RAP1GAP2: variants seen among roughly 807,000 people sequenced by gnomAD.
RAP1GAP2 encodes the protein RAP1 GTPase activating protein 2.
Under a neutral mutation model 95.0 loss-of-function variants are expected in RAP1GAP2, and 27 were observed. The ratio of observed to expected loss-of-function variants is 0.28; its 90% CI spans 0.21 to 0.39. The LOEUF is 0.39. RAP1GAP2 is among the 10% of genes least tolerant of loss of function. The pLI is 1.00. For missense variants in RAP1GAP2, 771 were observed against 970.0 expected (o/e 0.79, Z 2.72); for synonymous variants, 373 against 380.9 (o/e 0.98, Z 0.24).
chr17:2,932,835 A>AG, intron 3 of RAP1GAP2, among the ~76,000 whole-genome samples: 1 of 52,172 alleles, frequency 1.9e-5, no homozygotes. Flanking sequence ...AAAAAAAAAA[A>AG]AAAAAAAAGA....
At chr17:2,957,143 G>GA (rs35079286) in intron 3 of RAP1GAP2, among the ~76,000 whole-genome samples, 42,543 of 143,662 alleles carry the variant, frequency 0.3, 7,022 homozygotes, top group African/African-American at 0.45. Context: ...AAAAAAAAAA[G>GA]AAAAAAAAAA....
chr17:2,799,864 C>A (rs2069206889), intron 1 of RAP1GAP2, among the ~76,000 whole-genome samples: 1 of 152,180 alleles, frequency 6.6e-6, no homozygotes, highest in African/African-American at 2.4e-5. Context: ...GTCTCCCCTT[C>A]CAGTGAGGGC....
intron 22 of RAP1GAP2, among the ~76,000 whole-genome samples, chr17:3,028,423 CT>C (rs1056667601): frequency 5.9e-5 from 9 of 152,072 alleles, no homozygotes; most frequent in Non-Finnish European, 1.0e-4. Flanking sequence ...GGACAGCCCC[CT>C]AGCCACATCA....
intron 3 of RAP1GAP2, among the ~76,000 whole-genome samples, chr17:2,946,479 C>T (rs2043700103): frequency 6.6e-6 from 1 of 152,126 alleles, no homozygotes. Flanking sequence ...AGGTTGCTTG[C>T]CTCGTGCCTG....
intron 3 of RAP1GAP2, among the ~76,000 whole-genome samples, chr17:2,953,732 A>G (rs994049761): frequency 6.6e-6 from 1 of 152,158 alleles, no homozygotes; most frequent in Admixed American, 6.6e-5. Flanking sequence ...CTGTAATCCC[A>G]GCTACTCCGG....
At chr17:2,876,132 T>C (rs992627142) in intron 2 of RAP1GAP2, among the ~76,000 whole-genome samples, 1 of 151,538 alleles carries the variant, frequency 6.6e-6, no homozygotes, top group African/African-American at 2.4e-5. Flanking sequence ...AGAGACGGGG[T>C]TTCACCGTGT....
rs535852985 is a variant in RAP1GAP2 at position 2,862,869 on chromosome 17, C to A, written c.81-42415C>A. 2.6e-5 allele frequency among the ~76,000 whole-genome samples: 4 copies of A among 151,882 alleles called. No individual in the cohort carries two copies. The South Asian group carries it at 8.3e-4, about 32-fold the overall frequency. On this transcript the variant is annotated intron_variant, in intron 2 of 24. Coordinates refer to ENST00000254695, the MANE Select transcript of RAP1GAP2 (RefSeq NM_015085.5). ...AAAATTAGCTGGGCGTGGTGGCGTG[C>A]GCCTGTAATCTCAACTACTTGGGAG...
At chr17:2,962,059 C>T (rs919887352) in intron 4 of RAP1GAP2, among the ~76,000 whole-genome samples, 4 of 152,050 alleles carry the variant, frequency 2.6e-5, no homozygotes, top group Admixed American at 6.6e-5. Context: ...TGCGCCACCA[C>T]GCCCAGCTAA....
At chr17:2,839,841 C>T (rs1211282475) in intron 2 of RAP1GAP2, among the ~76,000 whole-genome samples, 2 of 152,068 alleles carry the variant, frequency 1.3e-5, no homozygotes, top group Admixed American at 1.3e-4. Context: ...CTCTTGTTGC[C>T]CAGGCTGGAG....
At chr17:3,006,081 G>GGCTAACAGGT in intron 16 of RAP1GAP2, 40 bp downstream of exon 16, 1 of 1,544,464 alleles carries the variant, frequency 6.5e-7, no homozygotes, top group Non-Finnish European at 8.9e-7. Flanking sequence ...CCTGACTGCT[G>GGCTAACAGGT]GGCCACCTGT....
At chr17:2,799,622 CAT>C (rs761441509) in intron 1 of RAP1GAP2, among the ~76,000 whole-genome samples, 3 of 152,136 alleles carry the variant, frequency 2.0e-5, no homozygotes, top group South Asian at 2.1e-4. Context: ...CTGATGATGA[CAT>C]GTGGTGACAT....
At chr17:2,891,562 A>G (rs9907411) in intron 2 of RAP1GAP2, among the ~76,000 whole-genome samples, 71,179 of 148,748 alleles carry the variant, frequency 0.48, 17,585 homozygotes, top group African/African-American at 0.57. Context: ...TCTTTCCCCC[A>G]GGAGATCTCA....
At chr17:2,940,989 A>G (rs556930667) in intron 3 of RAP1GAP2, among the ~76,000 whole-genome samples, 1 of 152,162 alleles carries the variant, frequency 6.6e-6, no homozygotes, top group South Asian at 2.1e-4. Flanking sequence ...CTGTGGGGGG[A>G]CCGGGGACCT....
At chr17:2,950,110 G>A (rs548662249) in intron 3 of RAP1GAP2, among the ~76,000 whole-genome samples, 77 of 150,408 alleles carry the variant, frequency 5.1e-4, no homozygotes, top group Middle Eastern at 3.4e-3. Context: ...CTGGAGTGCA[G>A]TGGCACAATC....
At chr17:2,789,841 G>C (rs1028931897) in intron 1 of RAP1GAP2, among the ~76,000 whole-genome samples, 1 of 151,592 alleles carries the variant, frequency 6.6e-6, no homozygotes, top group African/African-American at 2.4e-5. Context: ...ATATGTCTGG[G>C]CCCTGCTCTT....
Position 3,026,390 on chromosome 17 carries a change from C to A in RAP1GAP2, c.1906C>A (p.Arg636Ser), listed in dbSNP as rs373316733. Residue 636 changes from arginine (R) to serine (S), a missense_variant, in exon 21 of 25, where the codon CGC (arginine) becomes AGC (serine). Coordinates refer to ENST00000254695, the MANE Select transcript of RAP1GAP2 (RefSeq NM_015085.5). ...KLKENGRAISRSSSSTSSVSS... is the reference protein window; with the variant it reads ...KLKENGRAISSSSSSTSSVSS... ...GAAGGAAAACGGCCGTGCCATCTCC[C>A]GCTCCTCCTCCAGCACCAGCAGCGT... 1 of 1,552,304 alleles carries A rather than the reference C, an allele frequency of 6.4e-7. No homozygotes were observed. The highest frequency in any genetic ancestry group is 8.7e-7 in the Non-Finnish European group (1 of 1,147,538).
chr17:2,878,307 G>A (rs539663867), intron 2 of RAP1GAP2, among the ~76,000 whole-genome samples: 26 of 152,220 alleles, frequency 1.7e-4, no homozygotes, highest in African/African-American at 6.0e-4. Flanking sequence ...CATTGGGTTC[G>A]AGGTGCCTGT....
intron 10 of RAP1GAP2, among the ~76,000 whole-genome samples, chr17:2,984,127 G>A (rs1793133539): frequency 6.6e-6 from 1 of 152,110 alleles, no homozygotes; most frequent in South Asian, 2.1e-4. Context: ...GAGGCAGGCG[G>A]ATCACAAGGT....
chr17:2,922,284 G>A (rs2042806000), intron 3 of RAP1GAP2, among the ~76,000 whole-genome samples: 1 of 152,172 alleles, frequency 6.6e-6, no homozygotes, highest in Non-Finnish European at 1.5e-5. Context: ...TCCCGAGGGT[G>A]GAACCTTTAT....
Sources: gnomAD v4.1 joint callset for allele counts (sites outside exome capture counted in the v4.1 genomes callset) on GRCh38, gnomAD v4.1.1 for gene constraint, MANE v1.5 for transcripts, NCBI Gene and HGNC (gene_info 2026-07-23, HGNC 2026-07-21) for gene names.